Variants in CLPB observed in about 807,000 individuals in gnomAD.
CLPB encodes the protein mitochondrial disaggregase.
A neutral mutation model predicts 78.4 loss-of-function variants in CLPB; 40 were observed. That is an observed-to-expected ratio of 0.51 (90% confidence interval 0.40 to 0.66). The LOEUF (loss-of-function observed/expected upper bound fraction) is 0.66, where lower values mean the gene tolerates loss of function less well. Ranked by LOEUF, CLPB falls within the 30% of genes least tolerant of loss-of-function variation. CLPB has a pLI of 0.00. For missense variants in CLPB, 780 were observed against 886.9 expected (o/e 0.88, Z 1.53); for synonymous variants, 333 against 348.0 (o/e 0.96, Z 0.48).
intron 5 of CLPB, chr11:72,354,277 G>T: frequency 2.7e-6 from 1 of 374,334 alleles, no homozygotes; most frequent in African/African-American, 2.2e-5. Flanking sequence ...GTGTGTGTGT[G>T]TATATATATA....
In CLPB at chr11:72,329,813, A is replaced by G; in HGVS notation, c.776-9T>C. ...CTGCAGGGGGTTGGCTCCTGGCAAG[A>G]GAAGAAGGATAAACAGAGGCTCTAT... On this transcript the variant is annotated splice_polypyrimidine_tract_variant and intron_variant, in intron 5 of 15. Coordinates refer to ENST00000538039, the MANE Select transcript of CLPB (RefSeq NM_001258392.3). 6.2e-7 allele frequency: 1 copy of G among 1,606,574 alleles called. No individual in the cohort carries two copies. The highest frequency in any genetic ancestry group is 8.5e-7 in the Non-Finnish European group (1 of 1,174,104).
At chr11:72,335,398 C>G (rs1950301928) in intron 5 of CLPB, among the ~76,000 whole-genome samples, 1 of 152,212 alleles carries the variant, frequency 6.6e-6, no homozygotes, top group Admixed American at 6.5e-5. Context: ...AACGGGTGGT[C>G]ACTCGGGCTC....
intron 4 of CLPB, chr11:72,372,806 TG>T: frequency 1.1e-6 from 1 of 880,944 alleles, no homozygotes; most frequent in Non-Finnish European, 1.9e-6. Context: ...TGGGTTAGGC[TG>T]GGCACACAGT....
intron 7 of CLPB, among the ~76,000 whole-genome samples, chr11:72,314,413 GCTATT>G (rs948608415): frequency 7.9e-5 from 12 of 152,136 alleles, no homozygotes; most frequent in Non-Finnish European, 1.5e-4. Flanking sequence ...GCTGTAATAA[GCTATT>G]CTATAGTTGT....
rs998117630 is a variant in CLPB at position 72,289,183 on chromosome 11, C to T, written c.*4184G>A. The T allele has an allele frequency of 6.6e-6, 1 of 152,274 alleles. No individual in the cohort carries two copies. The highest frequency in any genetic ancestry group is 1.5e-5 in the Non-Finnish European group (1 of 68,096). 9.4% of individuals were successfully genotyped at this position (152,274 alleles called of 1,614,324 possible). On this transcript the variant is annotated 3_prime_UTR_variant, in exon 16 of 16. Coordinates refer to ENST00000538039, the MANE Select transcript of CLPB (RefSeq NM_001258392.3). Reference sequence around the variant, plus strand: ...GGATTACAGGCATGAGCCACCACGCCCGGCCAGAAGTGATTCTTAATTAGG... The same window carrying T: ...GGATTACAGGCATGAGCCACCACGCTCGGCCAGAAGTGATTCTTAATTAGG...
intron 4 of CLPB, among the ~76,000 whole-genome samples, chr11:72,379,478 C>T (rs1018958539): frequency 2.6e-5 from 4 of 152,262 alleles, no homozygotes; most frequent in African/African-American, 7.2e-5. Context: ...GGAAGAAGTA[C>T]TCACCAGACA....
At chr11:72,365,117 C>T (rs1299922561) in intron 4 of CLPB, among the ~76,000 whole-genome samples, 1 of 152,096 alleles carries the variant, frequency 6.6e-6, no homozygotes, top group Non-Finnish European at 1.5e-5. Context: ...GTTGGGAGTT[C>T]GAGACCAGCC....
In CLPB at chr11:72,329,812, GAGA is replaced by G. The variant is rs755010700; in HGVS notation, c.776-11_776-9del. 1.2e-6 allele frequency: 2 copies of G among 1,606,396 alleles called. No individual in the cohort carries two copies. Among genetic ancestry groups the G allele is most frequent in the South Asian group, 1.1e-5 (1 of 90,882 alleles). On this transcript the variant is annotated splice_polypyrimidine_tract_variant and intron_variant, in intron 5 of 15. Coordinates refer to ENST00000538039, the MANE Select transcript of CLPB (RefSeq NM_001258392.3). Reference sequence around the variant, plus strand: ...TCTGCAGGGGGTTGGCTCCTGGCAAGAGAAGAAGGATAAACAGAGGCTCTATGA... The same window carrying G: ...TCTGCAGGGGGTTGGCTCCTGGCAAGAGAAGGATAAACAGAGGCTCTATGA...
At chr11:72,308,269 G>C (rs1949780434) in intron 8 of CLPB, among the ~76,000 whole-genome samples, 1 of 152,218 alleles carries the variant, frequency 6.6e-6, no homozygotes, top group South Asian at 2.1e-4. Context: ...GCCCTGAAGG[G>C]CCTGGTCCTC....
At position 72,434,226 on chromosome 11, in the gene CLPB, G is replaced by A. The variant is rs200845330; in HGVS notation, c.249C>T (p.Leu83=). The A allele has an allele frequency of 5.8e-5, 94 of 1,613,506 alleles. No individual in the cohort carries two copies. Among genetic ancestry groups the A allele is most frequent in the Non-Finnish European group, 7.6e-5 (90 of 1,179,998 alleles). ...GAAGGCGTCCCCAAGTGGCAGCCGCGAGGCATTTGGTATCGAAGCGTCCTC... is the reference window on the plus strand; with the variant it reads ...GAAGGCGTCCCCAAGTGGCAGCCGCAAGGCATTTGGTATCGAAGCGTCCTC... The part of the protein sequence containing the change: ...RQGGRFDTKC[L]AAATWGRLPG... The change falls in exon 1 of 16, where the codon CTC becomes CTT. Residue 83 remains leucine (L), a synonymous_variant. Coordinates refer to ENST00000538039, the MANE Select transcript of CLPB (RefSeq NM_001258392.3).
chr11:72,364,203 A>AT (rs1950897068), intron 4 of CLPB, among the ~76,000 whole-genome samples: 2 of 152,106 alleles, frequency 1.3e-5, no homozygotes, highest in African/African-American at 4.8e-5. Flanking sequence ...TTATTTATTT[A>AT]TTTTTTTGAG....
At chr11:72,320,832 C>T (rs1404966409) in intron 6 of CLPB, among the ~76,000 whole-genome samples, 3 of 152,144 alleles carry the variant, frequency 2.0e-5, no homozygotes, top group African/African-American at 4.8e-5. Context: ...CCTGCCTCAG[C>T]CTCCCAAGTA....
intron 1 of CLPB, among the ~76,000 whole-genome samples, chr11:72,432,716 A>C (rs894040419): frequency 2.0e-5 from 3 of 152,232 alleles, no homozygotes; most frequent in Admixed American, 6.5e-5. Flanking sequence ...ATGAGGAAAC[A>C]GAGGACCCGT....
intron 1 of CLPB, among the ~76,000 whole-genome samples, chr11:72,433,465 G>A (rs1212184006): frequency 6.6e-6 from 1 of 151,832 alleles, no homozygotes; most frequent in Non-Finnish European, 1.5e-5. Context: ...GCTTGAACCC[G>A]GGAGGCGGAG....
Position 72,403,029 on chromosome 11 carries a change from AC to A in CLPB, c.478del (p.Val160SerfsTer58). 6.2e-7 allele frequency: 1 copy of A among 1,613,558 alleles called. No individual in the cohort carries two copies. Among genetic ancestry groups the A allele is most frequent in the Non-Finnish European group, 8.5e-7 (1 of 1,180,018 alleles). ...CCAGCCAAGTCTGTGCTTTGCATTGACATCTGCACCTTCTGACAACAGCCTA... is the reference window on the plus strand; with the variant it reads ...CCAGCCAAGTCTGTGCTTTGCATTGAATCTGCACCTTCTGACAACAGCCTA... ...VSRLLSEGAD[V>X]NAKHRLGWTA... On this transcript the variant is annotated frameshift_variant, in exon 3 of 16. Coordinates refer to ENST00000538039, the MANE Select transcript of CLPB (RefSeq NM_001258392.3). LOFTEE classifies it high-confidence loss of function.
At chr11:72,380,840 G>A (rs916394016) in intron 3 of CLPB, among the ~76,000 whole-genome samples, 6 of 152,148 alleles carry the variant, frequency 3.9e-5, no homozygotes, top group African/African-American at 1.4e-4. Context: ...AGGTGCTGAG[G>A]TCTGTGACCT....
intron 3 of CLPB, among the ~76,000 whole-genome samples, chr11:72,399,317 GA>G (rs1280726646): frequency 6.6e-6 from 1 of 151,898 alleles, no homozygotes; most frequent in African/African-American, 2.4e-5. Context: ...TCTATTTTCA[GA>G]AAAGAGAATC....
intron 11 of CLPB, among the ~76,000 whole-genome samples, chr11:72,301,016 C>T (rs1483670736): frequency 6.6e-6 from 1 of 152,128 alleles, no homozygotes; most frequent in Non-Finnish European, 1.5e-5. Flanking sequence ...GCAGCTGTGG[C>T]CTTAGGCATG....
chr11:72,411,615 C>G (rs1855878078), intron 2 of CLPB: 1 of 152,188 alleles, frequency 6.6e-6, no homozygotes. Context: ...GACAACTCCC[C>G]AGGCTCTGTT....
Sources: gnomAD v4.1 joint callset for allele counts (sites outside exome capture counted in the v4.1 genomes callset) on GRCh38, gnomAD v4.1.1 for gene constraint, MANE v1.5 for transcripts, NCBI Gene and HGNC (gene_info 2026-07-23, HGNC 2026-07-21) for gene names.